Variants in PTPRN2 observed in about 807,000 individuals in gnomAD.
PTPRN2 encodes the protein receptor-type tyrosine-protein phosphatase N2.
A neutral mutation model predicts 118.8 loss-of-function variants in PTPRN2; 74 were observed. The observed-to-expected ratio is 0.62, with a 90% confidence interval of 0.52 to 0.76. PTPRN2 has a LOEUF of 0.76. Ranked by LOEUF, PTPRN2 falls within the 30% of genes least tolerant of loss-of-function variation. The pLI is 0.00. For synonymous variants in PTPRN2, 641 were observed against 608.0 expected (o/e 1.05, Z -0.80); for missense variants, 1,481 against 1,394.4 (o/e 1.06, Z -0.99).
At chr7:158,505,065 G>A (rs1328986402) in intron 1 of PTPRN2, among the ~76,000 whole-genome samples, 4 of 152,142 alleles carry the variant, frequency 2.6e-5, no homozygotes, top group African/African-American at 4.8e-5. Flanking sequence ...TAGGGTTGCC[G>A]GGAAAATCCA....
chr7:157,661,091 C>T (rs1205481031), intron 13 of PTPRN2, among the ~76,000 whole-genome samples: 1 of 152,250 alleles, frequency 6.6e-6, no homozygotes, highest in Non-Finnish European at 1.5e-5. Flanking sequence ...GCCGACATCG[C>T]CTCCTCCGGC....
chr7:158,212,730 A>T (rs1208773920), intron 3 of PTPRN2, among the ~76,000 whole-genome samples: 1 of 151,338 alleles, frequency 6.6e-6, no homozygotes, highest in Non-Finnish European at 1.5e-5. Flanking sequence ...CCACTCACCC[A>T]CTCCTCTACC....
chr7:157,582,428 A>G (rs1266686450), intron 17 of PTPRN2, among the ~76,000 whole-genome samples: 1 of 152,224 alleles, frequency 6.6e-6, no homozygotes, highest in Non-Finnish European at 1.5e-5. Flanking sequence ...CATCAGGGAA[A>G]TGCAAATCAA....
chr7:157,795,736 T>C (rs949579253), intron 12 of PTPRN2, among the ~76,000 whole-genome samples: 1 of 152,246 alleles, frequency 6.6e-6, no homozygotes, highest in African/African-American at 2.4e-5. Flanking sequence ...AGAGGGTTCC[T>C]GAGCCTGTGG....
At chr7:158,495,123 T>A (rs1821735506) in intron 1 of PTPRN2, among the ~76,000 whole-genome samples, 1 of 152,102 alleles carries the variant, frequency 6.6e-6, no homozygotes, top group South Asian at 2.1e-4. Context: ...CCTGCAGCAG[T>A]GGCAGTCTCA....
intron 11 of PTPRN2, among the ~76,000 whole-genome samples, chr7:158,068,342 C>T (rs959837674): frequency 3.9e-5 from 6 of 152,192 alleles, no homozygotes; most frequent in Admixed American, 2.0e-4. Context: ...GTGCAGTGCA[C>T]AGGAGGCCCA....
intron 11 of PTPRN2, among the ~76,000 whole-genome samples, chr7:158,038,507 A>G (rs529318097): frequency 6.6e-6 from 1 of 152,228 alleles, no homozygotes; most frequent in South Asian, 2.1e-4. Context: ...AATGGAAAAC[A>G]CTGATTAAAA....
chr7:158,364,437 A>ATCC (rs1809272397), intron 2 of PTPRN2, among the ~76,000 whole-genome samples: 2 of 152,260 alleles, frequency 1.3e-5, no homozygotes, highest in African/African-American at 4.8e-5. Context: ...CAGAGCCCCC[A>ATCC]TCCTCACTTC....
chr7:158,387,377 G>A (rs889357314), intron 2 of PTPRN2, among the ~76,000 whole-genome samples: 9 of 152,256 alleles, frequency 5.9e-5, no homozygotes, highest in South Asian at 2.1e-4. Context: ...CCAGGACCAC[G>A]CTCACTGCCT....
intron 2 of PTPRN2, among the ~76,000 whole-genome samples, chr7:158,328,616 G>A (rs1803848186): frequency 6.6e-6 from 1 of 152,180 alleles, no homozygotes; most frequent in Non-Finnish European, 1.5e-5. Flanking sequence ...CTTCCCTTGT[G>A]TGAGGAGCAG....
chr7:157,841,055 T>G (rs1563161412), intron 12 of PTPRN2, among the ~76,000 whole-genome samples: 2 of 152,214 alleles, frequency 1.3e-5, no homozygotes. Flanking sequence ...CTGCTGGAAG[T>G]GCCAGCCGTG....
intron 12 of PTPRN2, among the ~76,000 whole-genome samples, chr7:157,756,678 G>C (rs1351963434): frequency 6.6e-6 from 1 of 152,120 alleles, no homozygotes; most frequent in East Asian, 1.9e-4. Flanking sequence ...GAGCTTAGCA[G>C]GGAAAGGCAT....
intron 3 of PTPRN2, among the ~76,000 whole-genome samples, chr7:158,290,884 T>C (rs116243590): frequency 6.6e-6 from 1 of 152,222 alleles, no homozygotes; most frequent in Non-Finnish European, 1.5e-5. Flanking sequence ...TGGAGAGTCC[T>C]CTCCTGCTGC....
chr7:157,543,000 T>C (rs1585005478), intron 22 of PTPRN2, among the ~76,000 whole-genome samples: 1 of 152,188 alleles, frequency 6.6e-6, no homozygotes, highest in East Asian at 1.9e-4. Flanking sequence ...CGAAGGTCTG[T>C]GGCCACGTTC....
intron 3 of PTPRN2, among the ~76,000 whole-genome samples, chr7:158,310,908 C>A (rs545370553): frequency 5.9e-5 from 9 of 152,172 alleles, no homozygotes; most frequent in Non-Finnish European, 1.0e-4. Context: ...GAGCACCACG[C>A]GTGACTCCAA....
chr7:158,271,033 C>T lies in PTPRN2; in HGVS notation c.277+45786G>A, dbSNP rs554532241. Among the ~76,000 whole-genome samples, 359 of 132,956 alleles carry T rather than the reference C, an allele frequency of 2.7e-3. 6 individuals carry two copies. Among genetic ancestry groups the T allele is most frequent in the African/African-American group, 0.01 (339 of 33,196 alleles). 87.2% of individuals were successfully genotyped at this position (132,956 alleles called of 152,430 possible). On this transcript the variant is annotated intron_variant, in intron 3 of 22. Transcript: ENST00000389418. Reference sequence around the variant, plus strand: ...ACCACCCCTCCACCTGGACGGCCCCCTCCACCTGGGCCTCCCCCCAACCTG... The same window carrying T: ...ACCACCCCTCCACCTGGACGGCCCCTTCCACCTGGGCCTCCCCCCAACCTG...
intron 2 of PTPRN2, among the ~76,000 whole-genome samples, chr7:158,418,586 A>G (rs1417603523): frequency 6.9e-6 from 1 of 144,402 alleles, no homozygotes; most frequent in African/African-American, 2.5e-5. Flanking sequence ...GGTGTACTAC[A>G]TCGAGATGCT....
At chr7:158,203,893 T>A (rs1444068576) in intron 4 of PTPRN2, among the ~76,000 whole-genome samples, 3 of 152,246 alleles carry the variant, frequency 2.0e-5, no homozygotes, top group Non-Finnish European at 2.9e-5. Flanking sequence ...AAAGGAGGTA[T>A]TAAAGGTAGA....
In PTPRN2 at chr7:158,487,126, C is replaced by T. The variant is rs148964319; in HGVS notation, c.163+2609G>A. On this transcript the variant is annotated intron_variant, in intron 2 of 22. Transcript: ENST00000389418. ...AGCACTCACTTCCTCTTCAAGGCTG[C>T]GTACTATTCCATCATGTGGATGGAC... is the stretch of plus-strand genomic sequence containing the variant. 1.7e-3 allele frequency among the ~76,000 whole-genome samples: 266 copies of T among 152,342 alleles called. 1 individual carries two copies. The highest frequency in any genetic ancestry group is 6.2e-3 in the African/African-American group (259 of 41,578).
Sources: allele counts gnomAD v4.1 joint callset (sites outside exome capture counted in the v4.1 genomes callset), GRCh38; gene constraint gnomAD v4.1.1; transcripts MANE v1.5; gene names NCBI Gene and HGNC (gene_info 2026-07-23, HGNC 2026-07-21).